ZCWPW1: variants seen among roughly 807,000 people sequenced by gnomAD.
The protein encoded by ZCWPW1 is zinc finger CW-type PWWP domain protein 1.
In ZCWPW1, 56 loss-of-function variants were observed where a neutral mutation model predicts 81.3. The observed-to-expected ratio is 0.69, with a 90% CI of 0.56 to 0.86. The LOEUF is 0.86. Ranked by LOEUF, ZCWPW1 falls within the 40% of genes least tolerant of loss-of-function variation. The pLI is 0.00. For synonymous variants in ZCWPW1, 250 were observed against 273.7 expected (o/e 0.91, Z 0.86); for missense variants, 650 against 769.8 (o/e 0.84, Z 1.84).
chr7:100,411,017 C>T (rs1175497791), intron 8 of ZCWPW1, among the ~76,000 whole-genome samples: 1 of 152,244 alleles, frequency 6.6e-6, no homozygotes, highest in Non-Finnish European at 1.5e-5. Context: ...TCTGAGCCTA[C>T]ACTCAAGCAA....
At chr7:100,406,583 G>T in intron 12 of ZCWPW1, 111 bp downstream of exon 12, 2 of 1,016,498 alleles carry the variant, frequency 2.0e-6, no homozygotes, top group Non-Finnish European at 1.5e-6. Flanking sequence ...GGCACACCTG[G>T]TCAGACACAG....
intron 5 of ZCWPW1, among the ~76,000 whole-genome samples, chr7:100,417,800 T>C (rs548122134): frequency 6.6e-6 from 1 of 152,306 alleles, no homozygotes; most frequent in Non-Finnish European, 1.5e-5. Flanking sequence ...TAAGAATGGC[T>C]GAAATGTCAG....
At chr7:100,420,057 T>C (rs1371026631) in intron 3 of ZCWPW1, among the ~76,000 whole-genome samples, 174 bp from the exon 4 acceptor site, 1 of 152,180 alleles carries the variant, frequency 6.6e-6, no homozygotes, top group East Asian at 1.9e-4. Context: ...GCTGATGAGG[T>C]AGTTAGACAT....
intron 16 of ZCWPW1, 106 bp from the exon 17 acceptor site, chr7:100,402,147 T>C (rs1792052428): frequency 1.4e-6 from 2 of 1,424,294 alleles, no homozygotes; most frequent in Non-Finnish European, 1.9e-6. Flanking sequence ...TTCTGCTCAG[T>C]TGCAATCTAG....
At chr7:100,416,152 G>A (rs1182123580) in intron 7 of ZCWPW1, 55 bp from the exon 8 acceptor site, 2 of 1,607,946 alleles carry the variant, frequency 1.2e-6, no homozygotes, top group Admixed American at 1.7e-5. Context: ...AATCTTTGTA[G>A]ATAGTAAAGG....
intron 12 of ZCWPW1, 99 bp from the exon 13 acceptor site, chr7:100,405,192 G>C: frequency 9.2e-7 from 1 of 1,092,890 alleles, no homozygotes; most frequent in East Asian, 2.9e-5. Context: ...CACTTTGGGA[G>C]GCCGAGTCAG....
chr7:100,411,406 A>G (rs779939187), intron 8 of ZCWPW1, among the ~76,000 whole-genome samples: 1 of 152,048 alleles, frequency 6.6e-6, no homozygotes, highest in Non-Finnish European at 1.5e-5. Flanking sequence ...AGCTGAGACT[A>G]CAGGCATGCA....
chr7:100,418,957 T>C (rs1002450205), intron 5 of ZCWPW1, 154 bp downstream of exon 5: 2 of 584,326 alleles, frequency 3.4e-6, no homozygotes, highest in Admixed American at 6.3e-5. Context: ...TGTTGACAGA[T>C]GATGAAGTAT....
Position 100,406,772 on chromosome 7 carries a change from TC to T in ZCWPW1, c.1094del (p.Gly365GlufsTer14). The T allele has an allele frequency of 6.2e-7, 1 of 1,614,114 alleles. No individual in the cohort carries two copies. Among genetic ancestry groups the T allele is most frequent in the Non-Finnish European group, 8.5e-7 (1 of 1,180,020 alleles). ...LPSKYHVTFF[G>X]ETVSRAWIPV... ...GGATCCATGCACGAGAAACTGTTTC[TC>T]CAAAAAACGTCACATGGTACTTAGA... On this transcript the variant is annotated frameshift_variant, in exon 12 of 18. Coordinates refer to ENST00000684423, the MANE Select transcript of ZCWPW1 (RefSeq NM_001386010.1). LOFTEE classifies it high-confidence loss of function.
At chr7:100,411,548 G>C (rs914947999) in intron 8 of ZCWPW1, among the ~76,000 whole-genome samples, 2 of 152,082 alleles carry the variant, frequency 1.3e-5, no homozygotes, top group African/African-American at 4.8e-5. Context: ...GGATTACAGG[G>C]GTGAGCCACC....
chr7:100,408,919 T>A (rs1793614309), intron 9 of ZCWPW1, among the ~76,000 whole-genome samples: 1 of 151,800 alleles, frequency 6.6e-6, no homozygotes, highest in Non-Finnish European at 1.5e-5. Flanking sequence ...AGGAAGAGAT[T>A]CCACACTCCT....
In ZCWPW1 at chr7:100,419,118, C is replaced by T. The variant is rs778180325; in HGVS notation, c.354G>A (p.Glu118=). 1.9e-5 allele frequency: 31 copies of T among 1,613,504 alleles called. No individual in the cohort carries two copies. The highest frequency in any genetic ancestry group is 2.5e-5 in the Non-Finnish European group (29 of 1,179,796). ...VQIVLQKSLQ[E]CLGMGSGLDF... The stretch of plus-strand genomic sequence containing the variant: ...TCTTACTACATGCCATACCCAAGCA[C>T]TCCTGAAGGGACTTCTGCAGAACAA... The change falls in exon 5 of 18, where the codon GAG becomes GAA. Residue 118 remains glutamate (E), a synonymous_variant. Coordinates refer to ENST00000684423, the MANE Select transcript of ZCWPW1 (RefSeq NM_001386010.1).
In ZCWPW1 at chr7:100,406,816, C is replaced by T; in HGVS notation, c.1069-18G>A. The T allele has an allele frequency of 6.2e-7, 1 of 1,605,928 alleles. No individual in the cohort carries two copies. The highest frequency in any genetic ancestry group is 8.5e-7 in the Non-Finnish European group (1 of 1,172,818). ...TACTTAGACTGAAATAAAAGATGAT[C>T]CTGTTACGGACTCCTGTCCTGCTCC... On this transcript the variant is annotated intron_variant, in intron 11 of 17. Transcript: ENST00000684423.
intron 12 of ZCWPW1, among the ~76,000 whole-genome samples, chr7:100,405,493 T>C (rs915967769): frequency 6.6e-6 from 1 of 152,192 alleles, no homozygotes; most frequent in East Asian, 1.9e-4. Context: ...CCCAGCATAC[T>C]GCTACCCATC....
chr7:100,417,946 G>A (rs1378685080), intron 5 of ZCWPW1, among the ~76,000 whole-genome samples: 4 of 151,466 alleles, frequency 2.6e-5, no homozygotes, highest in Admixed American at 6.6e-5. Flanking sequence ...GTGAGGTGGC[G>A]AAATCTCGGC....
At chr7:100,422,187 T>C (rs751469176) in intron 2 of ZCWPW1, among the ~76,000 whole-genome samples, 17 of 152,210 alleles carry the variant, frequency 1.1e-4, no homozygotes, top group Non-Finnish European at 1.8e-4. Context: ...AAGTCATCGA[T>C]AAGTAGTAAA....
intron 6 of ZCWPW1, 51 bp from the exon 7 acceptor site, chr7:100,416,507 A>C: frequency 6.3e-7 from 1 of 1,593,422 alleles, no homozygotes; most frequent in Non-Finnish European, 8.6e-7. Flanking sequence ...GCAATTGCAG[A>C]ACTCTTCTTC....
At chr7:100,405,762 G>T (rs1183466269) in intron 12 of ZCWPW1, among the ~76,000 whole-genome samples, 1 of 152,100 alleles carries the variant, frequency 6.6e-6, no homozygotes, top group African/African-American at 2.4e-5. Context: ...CTCCTGCTGG[G>T]ACTACAGGCA....
intron 4 of ZCWPW1, 138 bp downstream of exon 4, chr7:100,419,492 G>A: frequency 2.1e-6 from 3 of 1,409,034 alleles, no homozygotes; most frequent in South Asian, 1.6e-5. Flanking sequence ...AAAAAAAAAA[G>A]GAAGCCCTCA....
Sources: allele counts gnomAD v4.1 joint callset (sites outside exome capture counted in the v4.1 genomes callset), GRCh38; gene constraint gnomAD v4.1.1; transcripts MANE v1.5; gene names NCBI Gene and HGNC (gene_info 2026-07-23, HGNC 2026-07-21).